Variants in OSBP2 observed in about 807,000 individuals in gnomAD.
OSBP2 encodes oxysterol-binding protein 2.
OSBP2 carries 66 observed loss-of-function variants against 96.0 expected under a neutral mutation model. That is an observed-to-expected ratio of 0.69 (90% confidence interval 0.56 to 0.84). The LOEUF is 0.84. OSBP2 is among the 40% of genes least tolerant of loss of function. OSBP2 has a pLI of 0.00. For missense variants in OSBP2, 1,038 were observed against 1,222.7 expected, an observed-to-expected ratio of 0.85 and a Z score of 2.25; for synonymous variants, 525 against 520.9, an observed-to-expected ratio of 1.01 and a Z score of -0.11.
At chr22:30,754,148 T>C (rs959483290) in intron 2 of OSBP2, among the ~76,000 whole-genome samples, 16 of 152,184 alleles carry the variant, frequency 1.1e-4, no homozygotes, top group Non-Finnish European at 5.9e-5. Context: ...ATCTTTTGGC[T>C]GGACTTCAGC....
intron 1 of OSBP2, among the ~76,000 whole-genome samples, chr22:30,701,344 CTTTT>C (rs1228654999): frequency 2.3e-5 from 3 of 127,978 alleles, no homozygotes; most frequent in Admixed American, 8.9e-5. Context: ...TTTTTCTTTT[CTTTT>C]TTTTTTTTTT....
chr22:30,843,396 T>A (rs920940295), intron 2 of OSBP2, among the ~76,000 whole-genome samples: 2 of 151,698 alleles, frequency 1.3e-5, no homozygotes, highest in African/African-American at 4.9e-5. Context: ...AAACTGGCAG[T>A]GCTCCCAGGG....
chr22:30,851,001 C>G (rs1297340822), intron 2 of OSBP2, among the ~76,000 whole-genome samples: 1 of 152,158 alleles, frequency 6.6e-6, no homozygotes, highest in Non-Finnish European at 1.5e-5. Flanking sequence ...TTGTCTTTCA[C>G]ATATTTTGTT....
chr22:30,875,293 C>T (rs1003293663), intron 3 of OSBP2, among the ~76,000 whole-genome samples: 11 of 152,116 alleles, frequency 7.2e-5, no homozygotes, highest in Non-Finnish European at 1.5e-5. Context: ...GTATGGGCAA[C>T]CACACTTTCC....
chr22:30,783,979 G>T (rs573119200), intron 2 of OSBP2, among the ~76,000 whole-genome samples: 104 of 152,332 alleles, frequency 6.8e-4, no homozygotes, highest in African/African-American at 2.3e-3. Context: ...TCTGCAGAAT[G>T]ATTGTTTCCT....
At chr22:30,743,990 G>T (rs973031432) in intron 2 of OSBP2, among the ~76,000 whole-genome samples, 1 of 152,148 alleles carries the variant, frequency 6.6e-6, no homozygotes, top group African/African-American at 2.4e-5. Context: ...GTGCCAAGAG[G>T]GCAGCCTTCT....
In OSBP2 at chr22:30,750,469, A is replaced by G. The variant is rs150336942; in HGVS notation, c.853+9100A>G. 7.6e-3 allele frequency among the ~76,000 whole-genome samples: 1,162 copies of G among 152,258 alleles called. 15 individuals are homozygous for G. The highest frequency in any genetic ancestry group is 0.025 in the African/African-American group (1,050 of 41,540). ...AAAATTAAAATTCAAAGGCCCCCCA[A>G]CCATCTAACTGGGACTTCCTCCTAG... On this transcript the variant is annotated intron_variant, in intron 2 of 13. Transcript: ENST00000332585.
chr22:30,824,006 A>G (rs1004504590), intron 2 of OSBP2, among the ~76,000 whole-genome samples: 8 of 152,310 alleles, frequency 5.3e-5, no homozygotes, highest in African/African-American at 1.9e-4. Context: ...CTCTTGGCTC[A>G]TCTAATGATT....
intron 2 of OSBP2, among the ~76,000 whole-genome samples, chr22:30,761,476 C>T (rs2090203958): frequency 6.6e-6 from 1 of 152,056 alleles, no homozygotes; most frequent in African/African-American, 2.4e-5. Flanking sequence ...GCTCATGGAT[C>T]AGAAGATTCA....
intron 1 of OSBP2, among the ~76,000 whole-genome samples, chr22:30,717,876 C>T (rs750636454): frequency 1.4e-4 from 21 of 152,088 alleles, no homozygotes; most frequent in African/African-American, 4.6e-4. Flanking sequence ...CGAGGGTGGG[C>T]GGGAGTTAGA....
At chr22:30,825,639 T>A (rs1354015125) in intron 2 of OSBP2, among the ~76,000 whole-genome samples, 1 of 152,240 alleles carries the variant, frequency 6.6e-6, no homozygotes, top group Non-Finnish European at 1.5e-5. Flanking sequence ...CATGTACAGA[T>A]CTGTGTTGGA....
chr22:30,850,246 G>A (rs959849643), intron 2 of OSBP2, among the ~76,000 whole-genome samples: 1 of 150,534 alleles, frequency 6.6e-6, no homozygotes, highest in Non-Finnish European at 1.5e-5. Context: ...GGCGGAGGTT[G>A]CAGTGAGCTG....
chr22:30,774,406 G>A (rs1044577477), intron 2 of OSBP2, among the ~76,000 whole-genome samples: 1 of 152,190 alleles, frequency 6.6e-6, no homozygotes, highest in Non-Finnish European at 1.5e-5. Context: ...ATTGTGGAGA[G>A]CATTGTCATT....
At position 30,730,808 on chromosome 22, in the gene OSBP2, AATTTTT is replaced by A. The variant is rs2089763434; in HGVS notation, c.645-10352_645-10347del. Among the ~76,000 whole-genome samples the A allele has an allele frequency of 7.0e-3, 274 of 39,332 alleles. 31 individuals carry two copies. The highest frequency in any genetic ancestry group is 0.033 in the South Asian group (31 of 928). 25.8% of individuals were successfully genotyped at this position (39,332 alleles called of 152,430 possible). Reference sequence around the variant, plus strand: ...TATATATATATATATATATATATATAATTTTTTTTTTTTTTCCCATGGACATTTTTG... The same window carrying A: ...TATATATATATATATATATATATATATTTTTTTTTCCCATGGACATTTTTG... On this transcript the variant is annotated intron_variant, in intron 1 of 13. Coordinates refer to ENST00000332585, the MANE Select transcript of OSBP2 (RefSeq NM_030758.4).
rs1485613533 is a variant in OSBP2, at chr22:30,893,670, C to T, written c.2127C>T (p.Thr709=). The T allele has an allele frequency of 6.2e-7, 1 of 1,614,060 alleles. No individual in the cohort carries two copies. Among genetic ancestry groups the T allele is most frequent in the African/African-American group, 1.3e-5 (1 of 74,932 alleles). ...ACATCGAGATTGTGAACCATAAGAC[C>T]AATGACCGGTGCCAGCTGAAGTTCC... is the stretch of plus-strand genomic sequence containing the variant. ...SGDIEIVNHK[T]NDRCQLKFLP... Residue 709 remains threonine (T), a synonymous_variant, in exon 11 of 14, where the codon ACC becomes ACT. Transcript: ENST00000332585.
intron 2 of OSBP2, among the ~76,000 whole-genome samples, chr22:30,798,340 A>T (rs1602278483): frequency 6.6e-6 from 1 of 152,168 alleles, no homozygotes; most frequent in Non-Finnish European, 1.5e-5. Context: ...CTTACCATAT[A>T]TATGATTTGC....
intron 12 of OSBP2, among the ~76,000 whole-genome samples, chr22:30,903,446 A>G (rs188684795): frequency 1.3e-4 from 20 of 152,364 alleles, no homozygotes; most frequent in Admixed American, 3.9e-4. Flanking sequence ...GGACTGTCCA[A>G]AGGGATAGGC....
rs974472875 is a variant in OSBP2, at chr22:30,704,319, C to T, written c.644+8766C>T. ...TCTGGGGAAAAACAGCTGCAAGCTT[C>T]CAAGGGTCCTCTCCCAGTGGAGTCA... On this transcript the variant is annotated intron_variant, in intron 1 of 13. Coordinates refer to ENST00000332585, the MANE Select transcript of OSBP2 (RefSeq NM_030758.4). Among the ~76,000 whole-genome samples, 4 of 152,178 alleles carry T rather than the reference C, an allele frequency of 2.6e-5. No individual in the cohort carries two copies. The East Asian group carries it at 7.7e-4, about 29-fold the overall frequency.
intron 2 of OSBP2, among the ~76,000 whole-genome samples, chr22:30,826,233 G>C (rs144139011): frequency 6.6e-6 from 1 of 152,186 alleles, no homozygotes; most frequent in Admixed American, 6.5e-5. Context: ...TTGCCAAAGT[G>C]CACTGTCTAT....
Sources: gnomAD v4.1 joint callset for allele counts (sites outside exome capture counted in the v4.1 genomes callset) on GRCh38, gnomAD v4.1.1 for gene constraint, MANE v1.5 for transcripts, NCBI Gene and HGNC (gene_info 2026-07-23, HGNC 2026-07-21) for gene names.